GLG1: variants seen among roughly 807,000 people sequenced by gnomAD.
GLG1 encodes the protein golgi glycoprotein 1.
In GLG1, 38 loss-of-function variants were observed where a neutral mutation model predicts 160.5. The observed-to-expected ratio is 0.24, with a 90% CI of 0.18 to 0.31. The LOEUF is 0.31. Ranked by LOEUF, GLG1 falls within the 10% of genes least tolerant of loss-of-function variation. The pLI is 1.00. For missense variants in GLG1, 1,373 were observed against 1,505.2 expected, an observed-to-expected ratio of 0.91 and a Z score of 1.45; for synonymous variants, 644 against 543.4, an observed-to-expected ratio of 1.19 and a Z score of -2.57.
At chr16:74,493,232 G>A in intron 6 of GLG1, 92 bp from the exon 7 acceptor site, 2 of 756,914 alleles carry the variant, frequency 2.6e-6, no homozygotes, top group East Asian at 2.7e-5. Context: ...ACTCAGCCAA[G>A]TACATGTCAA....
intron 12 of GLG1, among the ~76,000 whole-genome samples, chr16:74,477,105 G>A (rs2015411818): frequency 6.6e-6 from 1 of 152,174 alleles, no homozygotes; most frequent in South Asian, 2.1e-4. Flanking sequence ...TAAGAGGCAG[G>A]CCATACCATT....
intron 10 of GLG1, among the ~76,000 whole-genome samples, chr16:74,480,688 C>T (rs1278759493): frequency 6.6e-6 from 1 of 151,880 alleles, no homozygotes; most frequent in East Asian, 1.9e-4. Context: ...GCCTCCCAAG[C>T]AGTTGAGGCA....
chr16:74,531,160 G>A (rs1179137506), intron 2 of GLG1, among the ~76,000 whole-genome samples: 1 of 151,906 alleles, frequency 6.6e-6, no homozygotes, highest in Non-Finnish European at 1.5e-5. Context: ...TTTTGTACTT[G>A]ACTTACCTAG....
At chr16:74,550,700 G>C (rs1332026631) in intron 1 of GLG1, among the ~76,000 whole-genome samples, 1 of 151,970 alleles carries the variant, frequency 6.6e-6, no homozygotes, top group Non-Finnish European at 1.5e-5. Context: ...AGATGCAAAA[G>C]TCAAGAGGGG....
chr16:74,508,327 A>AC (rs1433464390), intron 3 of GLG1, among the ~76,000 whole-genome samples: 3 of 150,858 alleles, frequency 2.0e-5, no homozygotes, highest in Non-Finnish European at 3.0e-5. Flanking sequence ...AAAAAAAAAA[A>AC]CCGTTAAAAA....
At chr16:74,465,578 C>T (rs2014969838) in intron 19 of GLG1, 98 bp downstream of exon 19, 3 of 1,262,800 alleles carry the variant, frequency 2.4e-6, no homozygotes, top group Middle Eastern at 5.4e-4. Flanking sequence ...CTAGGGACCA[C>T]ACTTTGAGAA....
At chr16:74,468,865 TC>T in intron 17 of GLG1, 80 bp downstream of exon 17, 2 of 842,956 alleles carry the variant, frequency 2.4e-6, no homozygotes, top group Non-Finnish European at 2.1e-6. Context: ...ATAAAATGCC[TC>T]CCCCTTGCCC....
chr16:74,484,182 T>G (rs1336978211), intron 9 of GLG1, among the ~76,000 whole-genome samples: 1 of 152,128 alleles, frequency 6.6e-6, no homozygotes, highest in African/African-American at 2.4e-5. Context: ...TTTCTAATTC[T>G]CTAGCACAGC....
chr16:74,509,061 T>C (rs2016713916), intron 2 of GLG1, 136 bp from the exon 3 acceptor site: 1 of 446,222 alleles, frequency 2.2e-6, no homozygotes, highest in Non-Finnish European at 4.0e-6. Context: ...ACAAACAAAG[T>C]AGGATAAAAT....
At chr16:74,476,484 C>G (rs557267718) in intron 12 of GLG1, among the ~76,000 whole-genome samples, 2 of 152,144 alleles carry the variant, frequency 1.3e-5, no homozygotes, top group African/African-American at 2.4e-5. Flanking sequence ...AATTCCTGTA[C>G]GTGTGACTTT....
At position 74,506,598 on chromosome 16, in the gene GLG1, A is replaced by AAAAAAAAAAC. The variant is rs768101788; in HGVS notation, c.558+2240_558+2241insGTTTTTTTTT. ...CTCCGTCTCAAAAAAAAAAAAAAAA[A>AAAAAAAAAAC]AAAAAACTCAAGAGAAACCAGGAGC... On this transcript the variant is annotated intron_variant, in intron 3 of 25. Coordinates refer to ENST00000422840, the MANE Select transcript of GLG1 (RefSeq NM_001145667.2). 3.9e-4 allele frequency among the ~76,000 whole-genome samples: 57 copies of AAAAAAAAAAC among 144,660 alleles called. 5 individuals are homozygous for AAAAAAAAAAC. Among genetic ancestry groups the AAAAAAAAAAC allele is most frequent in the African/African-American group, 1.4e-3 (54 of 37,650 alleles). 94.9% of individuals were successfully genotyped at this position (144,660 alleles called of 152,430 possible). A position where few individuals can be genotyped will look rare whatever the true frequency, so the allele number is the denominator to read the frequency against.
intron 1 of GLG1, among the ~76,000 whole-genome samples, chr16:74,567,253 G>GTT (rs1437180419): frequency 6.6e-6 from 1 of 151,796 alleles, no homozygotes; most frequent in African/African-American, 2.4e-5. Context: ...GGAGTTAGCT[G>GTT]TTTCTTTTGT....
At chr16:74,540,549 G>GT (rs1343663124) in intron 1 of GLG1, among the ~76,000 whole-genome samples, 2 of 151,392 alleles carry the variant, frequency 1.3e-5, no homozygotes, top group African/African-American at 2.4e-5. Context: ...TTTAAGAAAC[G>GT]TAAGGATTGT....
At chr16:74,562,253 T>G (rs528374873) in intron 1 of GLG1, among the ~76,000 whole-genome samples, 1 of 152,360 alleles carries the variant, frequency 6.6e-6, no homozygotes, top group East Asian at 1.9e-4. Context: ...ACTGGTTGCC[T>G]TGGTCAAAGG....
At chr16:74,542,716 G>GGGAA (rs1232680624) in intron 1 of GLG1, among the ~76,000 whole-genome samples, 3 of 29,784 alleles carry the variant, frequency 1.0e-4, no homozygotes, top group South Asian at 1.3e-3. Context: ...AAGGGAAGAA[G>GGGAA]GGAAGGAAGG....
intron 4 of GLG1, among the ~76,000 whole-genome samples, chr16:74,499,755 G>C (rs918583725): frequency 6.6e-6 from 1 of 152,170 alleles, no homozygotes; most frequent in Non-Finnish European, 1.5e-5. Context: ...TGTAATCCCA[G>C]CGCTTTGGGA....
chr16:74,469,350 T>C (rs150563672), intron 16 of GLG1: 445 of 440,464 alleles, frequency 1.0e-3, no homozygotes, highest in African/African-American at 7.8e-3. Flanking sequence ...GTTAAAAACA[T>C]GTGACCACAG....
At chr16:74,495,035 T>C (rs774796444) in intron 5 of GLG1, among the ~76,000 whole-genome samples, 37 of 152,100 alleles carry the variant, frequency 2.4e-4, no homozygotes, top group Middle Eastern at 3.4e-3. Flanking sequence ...CCCATGATAT[T>C]TGGAGTTTGT....
chr16:74,571,188 A>C (rs2018816744), intron 1 of GLG1, among the ~76,000 whole-genome samples: 1 of 152,048 alleles, frequency 6.6e-6, no homozygotes, highest in African/African-American at 2.4e-5. Flanking sequence ...TTTTTCACCC[A>C]ACAAACTACC....
Sources: gnomAD v4.1 joint callset for allele counts (sites outside exome capture counted in the v4.1 genomes callset) on GRCh38, gnomAD v4.1.1 for gene constraint, MANE v1.5 for transcripts, NCBI Gene and HGNC (gene_info 2026-07-23, HGNC 2026-07-21) for gene names.